The following C12orf54 variants were observed in gnomAD, a reference collection of about 807,000 sequenced individuals.
The protein encoded by C12orf54 is uncharacterized protein C12orf54.
C12orf54 carries 24 observed loss-of-function variants against 26.4 expected under a neutral mutation model. The observed-to-expected ratio is 0.91, with a 90% CI of 0.66 to 1.28. The LOEUF is 1.28. Among genes scored for constraint, C12orf54 ranks in the 50% most tolerant of loss-of-function variants. C12orf54 has a pLI of 0.00. For synonymous variants in C12orf54, 54 were observed against 47.0 expected, an observed-to-expected ratio of 1.15 and a Z score of -0.61; for missense variants, 154 against 150.9, an observed-to-expected ratio of 1.02 and a Z score of -0.11.
chr12:48,419,409 T>C, the C12orf54 span, among the ~76,000 whole-genome samples: 1 of 152,192 alleles, frequency 6.6e-6, no homozygotes, highest in African/African-American at 2.4e-5. Flanking sequence ...TTTATTTAGA[T>C]AACTTATGTG....
the C12orf54 span, among the ~76,000 whole-genome samples, chr12:48,448,750 A>G: frequency 6.6e-6 from 1 of 152,220 alleles, no homozygotes; most frequent in Non-Finnish European, 1.5e-5. Flanking sequence ...ATTGAATACA[A>G]TACTTCTGTT....
chr12:48,482,045 C>A (rs1214422081), upstream of C12orf54, among the ~76,000 whole-genome samples: 4 of 152,226 alleles, frequency 2.6e-5, no homozygotes, highest in African/African-American at 4.8e-5. Context: ...CCTATACTTT[C>A]TTCAGAAAAA....
chr12:48,487,822 C>T (rs1937685174), intron 4 of C12orf54: 3 of 481,596 alleles, frequency 6.2e-6, no homozygotes, highest in East Asian at 6.2e-5. Context: ...ACACTTTCTC[C>T]CAAGGGAGAC....
At chr12:48,450,143 A>G in the C12orf54 span, among the ~76,000 whole-genome samples, 3 of 152,256 alleles carry the variant, frequency 2.0e-5, no homozygotes, top group South Asian at 6.2e-4. Context: ...TGTAAATCTA[A>G]CCATTTTAAA....
rs192860953 is a variant in C12orf54, at chr12:48,496,379, G to A, written c.*239G>A. The A allele has an allele frequency of 1.2e-3, 177 of 152,764 alleles. 1 individual carries two copies. Among genetic ancestry groups the A allele is most frequent in the Non-Finnish European group, 1.7e-3 (117 of 68,026 alleles). The allele number at this position is 152,764 out of a possible 1,614,324, so 9.5% of individuals were successfully genotyped here. A position where few individuals can be genotyped will look rare whatever the true frequency, so the allele number is the denominator to read the frequency against. Reference sequence around the variant, plus strand: ...AAACAGCTGATGAAATAAATGTGACGTAGAAGACTTGCCTTCCTGGTTCTT... The same window carrying A: ...AAACAGCTGATGAAATAAATGTGACATAGAAGACTTGCCTTCCTGGTTCTT... On this transcript the variant is annotated 3_prime_UTR_variant, in exon 9 of 9. Coordinates refer to ENST00000548364, the MANE Select transcript of C12orf54 (RefSeq NM_152319.4).
chr12:48,457,596 T>C, the C12orf54 span, among the ~76,000 whole-genome samples: 1 of 152,110 alleles, frequency 6.6e-6, no homozygotes, highest in South Asian at 2.1e-4. Context: ...CCTCCCAAAG[T>C]TGGATTTGCT....
chr12:48,455,648 C>T, the C12orf54 span, among the ~76,000 whole-genome samples: 1 of 152,168 alleles, frequency 6.6e-6, no homozygotes, highest in Non-Finnish European at 1.5e-5. Context: ...TGGAGTTGAG[C>T]AGCACCTAAA....
chr12:48,453,660 T>A, the C12orf54 span, among the ~76,000 whole-genome samples: 4 of 141,248 alleles, frequency 2.8e-5, no homozygotes, highest in Admixed American at 7.2e-5. Context: ...AATTTAAAGA[T>A]AATGAAGAGC....
At chr12:48,420,665 T>G in the C12orf54 span, among the ~76,000 whole-genome samples, 5 of 152,208 alleles carry the variant, frequency 3.3e-5, no homozygotes, top group Admixed American at 6.5e-5. Context: ...GAGAAAAATG[T>G]AGCAAACTCA....
the C12orf54 span, among the ~76,000 whole-genome samples, chr12:48,470,699 G>A: frequency 6.6e-6 from 1 of 150,786 alleles, no homozygotes; most frequent in African/African-American, 2.4e-5. Context: ...TTTTGTTTTT[G>A]TTGCAATTGC....
At chr12:48,437,197 C>T in the C12orf54 span, among the ~76,000 whole-genome samples, 27 of 152,136 alleles carry the variant, frequency 1.8e-4, no homozygotes, top group East Asian at 5.2e-3. Context: ...CAAGACTAAA[C>T]CAGGAAAAAG....
the C12orf54 span, among the ~76,000 whole-genome samples, chr12:48,414,457 C>T: frequency 6.6e-6 from 1 of 152,196 alleles, no homozygotes; most frequent in South Asian, 2.1e-4. Context: ...TGGATAAAGG[C>T]TAGTGTGTTG....
the C12orf54 span, among the ~76,000 whole-genome samples, chr12:48,462,998 A>G: frequency 6.6e-6 from 1 of 151,974 alleles, no homozygotes; most frequent in Non-Finnish European, 1.5e-5. Flanking sequence ...TAGAATATTC[A>G]TAAAACAACT....
At chr12:48,422,720 T>G in the C12orf54 span, among the ~76,000 whole-genome samples, 26 of 152,192 alleles carry the variant, frequency 1.7e-4, no homozygotes, top group African/African-American at 5.5e-4. Context: ...AAACAATGTT[T>G]ATGGTTGGAA....
intron 8 of C12orf54, chr12:48,495,657 C>T (rs981487113): frequency 1.3e-5 from 2 of 152,514 alleles, no homozygotes; most frequent in African/African-American, 2.4e-5. Flanking sequence ...CTCTAGGGCT[C>T]ATTAGGAATT....
chr12:48,437,158 G>T, the C12orf54 span, among the ~76,000 whole-genome samples: 1 of 152,170 alleles, frequency 6.6e-6, no homozygotes, highest in Admixed American at 6.5e-5. Flanking sequence ...TAGAAGAAAT[G>T]GATAAATTCC....
the C12orf54 span, among the ~76,000 whole-genome samples, chr12:48,425,195 T>A: frequency 8.5e-5 from 13 of 152,084 alleles, no homozygotes; most frequent in Non-Finnish European, 1.3e-4. Flanking sequence ...ATAAGCCTAG[T>A]ACCCAATAGT....
At chr12:48,462,688 A>C in the C12orf54 span, among the ~76,000 whole-genome samples, 1 of 151,774 alleles carries the variant, frequency 6.6e-6, no homozygotes, top group Non-Finnish European at 1.5e-5. Context: ...AATATTCCCA[A>C]TGAGCAAATT....
chr12:48,484,475 A>G (rs911013142), intron 2 of C12orf54, among the ~76,000 whole-genome samples: 1 of 152,214 alleles, frequency 6.6e-6, no homozygotes, highest in Non-Finnish European at 1.5e-5. Flanking sequence ...CTTTCTGCCA[A>G]TGAAGATATG....
Sources: gnomAD v4.1 joint callset for allele counts (sites outside exome capture counted in the v4.1 genomes callset) on GRCh38, gnomAD v4.1.1 for gene constraint, MANE v1.5 for transcripts, NCBI Gene and HGNC (gene_info 2026-07-23, HGNC 2026-07-21) for gene names.